ZDHHC15: variants seen among roughly 807,000 people sequenced by gnomAD.
ZDHHC15 encodes the protein palmitoyltransferase ZDHHC15.
In ZDHHC15, 19 loss-of-function variants were observed where a neutral mutation model predicts 31.7. The observed-to-expected ratio is 0.60, with a 90% CI of 0.42 to 0.88. The LOEUF (loss-of-function observed/expected upper bound fraction) is 0.88. ZDHHC15 is among the 40% of genes least tolerant of loss of function. ZDHHC15 has a pLI of 0.00. For missense variants in ZDHHC15, 209 were observed against 251.2 expected, an observed-to-expected ratio of 0.83 and a Z score of 1.14; for synonymous variants, 103 against 90.0, an observed-to-expected ratio of 1.14 and a Z score of -0.82.
At chrX:75,413,085 A>G (rs2083503808) in intron 10 of ZDHHC15, among the ~76,000 whole-genome samples, 1 of 112,371 alleles carries the variant, frequency 8.9e-6, no homozygotes, top group South Asian at 3.7e-4. Flanking sequence ...AAAGGTAACT[A>G]TGTGAGATGA....
At chrX:75,391,652 C>T (rs1274298009) in intron 10 of ZDHHC15, among the ~76,000 whole-genome samples, 5 of 112,098 alleles carry the variant, frequency 4.5e-5, no homozygotes, top group Non-Finnish European at 9.4e-5. Context: ...GAAATAAAAA[C>T]TTTCCCAGAA....
intron 2 of ZDHHC15, among the ~76,000 whole-genome samples, chrX:75,488,308 T>A (rs1300730011): frequency 8.9e-6 from 1 of 111,733 alleles, no homozygotes; most frequent in Non-Finnish European, 1.9e-5. Context: ...CCTAGCAGAT[T>A]AACAGCAGAT....
chrX:75,485,269 T>C (rs1378880922), intron 2 of ZDHHC15, among the ~76,000 whole-genome samples: 1 of 111,536 alleles, frequency 9.0e-6, no homozygotes, highest in Non-Finnish European at 1.9e-5. Flanking sequence ...CTTTGGTGTC[T>C]TTTCATCTTA....
At chrX:75,476,485 T>C (rs1183531378) in intron 3 of ZDHHC15, among the ~76,000 whole-genome samples, 2 of 111,079 alleles carry the variant, frequency 1.8e-5, no homozygotes, top group Admixed American at 9.7e-5. Flanking sequence ...GGTTATCAAA[T>C]TTAGGGGCAC....
At chrX:75,419,330 C>T (rs1408275757) in intron 9 of ZDHHC15, among the ~76,000 whole-genome samples, 4 of 111,941 alleles carry the variant, frequency 3.6e-5, no homozygotes, top group Non-Finnish European at 7.5e-5. Flanking sequence ...ATTTATACAG[C>T]CAAAAGACAC....
At chrX:75,492,490 A>C (rs1196815807) in intron 2 of ZDHHC15, among the ~76,000 whole-genome samples, 1 of 111,667 alleles carries the variant, frequency 9.0e-6, no homozygotes, top group Non-Finnish European at 1.9e-5. Context: ...TCTTCTCAGC[A>C]CCACACCATA....
intron 2 of ZDHHC15, among the ~76,000 whole-genome samples, chrX:75,492,373 G>A (rs1028075800): frequency 2.7e-5 from 3 of 110,690 alleles, no homozygotes. Context: ...ACAGATCAAC[G>A]AGACAGAAAG....
rs963438086 is a variant in ZDHHC15 at position 75,369,220 on chromosome X, G to A, written c.*3758C>T. The A allele has an allele frequency of 9.0e-6, 1 of 111,715 alleles. No individual in the cohort carries two copies. Among genetic ancestry groups the A allele is most frequent in the Admixed American group, 9.5e-5 (1 of 10,508 alleles). 9.2% of individuals were successfully genotyped at this position (111,715 alleles called of 1,213,427 possible). ...TGTTCTTCACATGCTGTGTTTCTTA[G>A]ACTCTTTTTCTAAAAGGAGAAAACA... On this transcript the variant is annotated 3_prime_UTR_variant, in exon 12 of 12. Transcript: ENST00000373367.
At chrX:75,386,586 A>G (rs2083182284) in intron 10 of ZDHHC15, among the ~76,000 whole-genome samples, 1 of 110,089 alleles carries the variant, frequency 9.1e-6, no homozygotes, top group African/African-American at 3.3e-5. Flanking sequence ...CGATCCTCCC[A>G]CCTCTCAGCC....
At chrX:75,391,172 C>A (rs747499201) in intron 10 of ZDHHC15, among the ~76,000 whole-genome samples, 1 of 111,261 alleles carries the variant, frequency 9.0e-6, no homozygotes, top group South Asian at 3.8e-4. Flanking sequence ...AAAATACACA[C>A]AGAGAAGAGA....
At chrX:75,459,405 G>C (rs1220773958) in intron 3 of ZDHHC15, among the ~76,000 whole-genome samples, 1 of 111,884 alleles carries the variant, frequency 8.9e-6, no homozygotes, top group African/African-American at 3.2e-5. Flanking sequence ...CCTGAGATGA[G>C]ATAAAGTTCC....
intron 2 of ZDHHC15, among the ~76,000 whole-genome samples, chrX:75,487,706 T>C (rs949736752): frequency 3.6e-5 from 4 of 111,869 alleles, no homozygotes; most frequent in Non-Finnish European, 7.5e-5. Context: ...AGATAAAGAA[T>C]TCAGAAGGTT....
chrX:75,474,442 TATATATACAC>T (rs1199749870), intron 3 of ZDHHC15, among the ~76,000 whole-genome samples: 1,738 of 45,342 alleles, frequency 0.038, 46 homozygotes, highest in African/African-American at 0.082. Flanking sequence ...TTTATATATA[TATATATACAC>T]ACACACACAC....
chrX:75,383,378 T>C (rs1215997014), intron 10 of ZDHHC15, among the ~76,000 whole-genome samples: 1 of 111,869 alleles, frequency 8.9e-6, no homozygotes, highest in African/African-American at 3.3e-5. Context: ...TCCAGTGAGT[T>C]CCCATCTAGT....
At position 75,437,536 on chromosome X, in the gene ZDHHC15, G is replaced by A. The variant is rs1409240797; in HGVS notation, c.380-6016C>T. 5.3e-5 allele frequency among the ~76,000 whole-genome samples: 5 copies of A among 94,610 alleles called. No homozygotes were observed. In the East Asian group the frequency reaches 1.7e-3, roughly 32 times the overall value. The allele number at this position is 94,610 out of a possible 115,157, so 82.2% of individuals were successfully genotyped here. On this transcript the variant is annotated intron_variant, in intron 4 of 11. Transcript: ENST00000373367. Reference sequence around the variant, plus strand: ...CCACCTATGAGTGAGAATATGCGGTGTTTGGTTTTTTGTTCTTGCGATAGT... The same window carrying A: ...CCACCTATGAGTGAGAATATGCGGTATTTGGTTTTTTGTTCTTGCGATAGT...
chrX:75,449,207 C>T (rs1211177950), intron 4 of ZDHHC15, among the ~76,000 whole-genome samples: 1 of 7,923 alleles, frequency 1.3e-4, no homozygotes, highest in South Asian at 9.7e-3. Context: ...TCTATACACA[C>T]ACACACACAC....
At chrX:75,475,866 C>T (rs746633517) in intron 3 of ZDHHC15, among the ~76,000 whole-genome samples, 8 of 112,004 alleles carry the variant, frequency 7.1e-5, no homozygotes, top group Admixed American at 4.7e-4. Context: ...ATGCTTTTCC[C>T]TTTATTCATG....
intron 3 of ZDHHC15, among the ~76,000 whole-genome samples, chrX:75,477,022 A>T (rs955360132): frequency 3.6e-5 from 4 of 110,643 alleles, no homozygotes; most frequent in Non-Finnish European, 7.6e-5. Flanking sequence ...ACAGCCATAA[A>T]TTTTTTTCTG....
intron 3 of ZDHHC15, among the ~76,000 whole-genome samples, chrX:75,472,105 A>G (rs924238121): frequency 8.9e-6 from 1 of 111,820 alleles, no homozygotes; most frequent in Non-Finnish European, 1.9e-5. Context: ...ATGCTCGAGC[A>G]GGTCCTGAAG....
Sources: gnomAD v4.1 joint callset for allele counts (sites outside exome capture counted in the v4.1 genomes callset) on GRCh38, gnomAD v4.1.1 for gene constraint, MANE v1.5 for transcripts, NCBI Gene and HGNC (gene_info 2026-07-23, HGNC 2026-07-21) for gene names.